The following C12orf42 variants were observed in gnomAD, a reference collection of about 807,000 sequenced individuals.
C12orf42 encodes the protein uncharacterized protein C12orf42.
In C12orf42, 25 loss-of-function variants were observed where a neutral mutation model predicts 21.6. That is an observed-to-expected ratio of 1.16 (90% CI 0.84 to 1.62). The LOEUF is 1.62. C12orf42 is among the 40% of genes most tolerant of loss of function. C12orf42 has a pLI of 0.00. For missense variants in C12orf42, 483 were observed against 459.3 expected, an observed-to-expected ratio of 1.05 and a Z score of -0.47; for synonymous variants, 174 against 175.0, an observed-to-expected ratio of 0.99 and a Z score of 0.05.
At chr12:103,375,192 T>A (rs547005733) in intron 3 of C12orf42, among the ~76,000 whole-genome samples, 1 of 152,162 alleles carries the variant, frequency 6.6e-6, no homozygotes, top group Non-Finnish European at 1.5e-5. Context: ...TTATAGGAAA[T>A]GTCAGGAGAA....
chr12:103,384,426 T>C (rs2046439768), intron 3 of C12orf42, among the ~76,000 whole-genome samples: 1 of 152,228 alleles, frequency 6.6e-6, no homozygotes, highest in Non-Finnish European at 1.5e-5. Context: ...TGAACTAATC[T>C]ACCATACTGT....
chr12:103,423,411 C>A (rs2050094393), intron 2 of C12orf42, among the ~76,000 whole-genome samples: 2 of 152,190 alleles, frequency 1.3e-5, no homozygotes, highest in Non-Finnish European at 2.9e-5. Flanking sequence ...AAAGGGAAAT[C>A]TAGGGCCCAG....
At chr12:103,294,583 G>GGAAAAAAGAAA (rs1555246032) in intron 4 of C12orf42, among the ~76,000 whole-genome samples, 1 of 80,280 alleles carries the variant, frequency 1.2e-5, no homozygotes, top group Admixed American at 1.4e-4. Flanking sequence ...AAGGAAGGAA[G>GGAAAAAAGAAA]GAAAGAAAGA....
chr12:103,129,950 T>G, the C12orf42 span, among the ~76,000 whole-genome samples: 1 of 151,650 alleles, frequency 6.6e-6, no homozygotes, highest in African/African-American at 2.4e-5. Flanking sequence ...CTAGAACCCA[T>G]GCAAATTTCC....
chr12:103,443,600 C>T (rs556713443), intron 2 of C12orf42, among the ~76,000 whole-genome samples: 1 of 152,128 alleles, frequency 6.6e-6, no homozygotes, highest in East Asian at 1.9e-4. Flanking sequence ...TTCATTTTTT[C>T]AATTAGCAAT....
At chr12:103,272,413 C>T (rs982830823) in intron 5 of C12orf42, among the ~76,000 whole-genome samples, 2 of 152,090 alleles carry the variant, frequency 1.3e-5, no homozygotes. Flanking sequence ...CAAACTGAGG[C>T]CCACAAAACA....
chr12:103,367,797 T>A (rs1801253698), intron 4 of C12orf42, among the ~76,000 whole-genome samples: 1 of 152,038 alleles, frequency 6.6e-6, no homozygotes, highest in Non-Finnish European at 1.5e-5. Context: ...CAGTTCTTTT[T>A]AAGTAGAATT....
At chr12:103,241,032 G>T (rs944850434) in intron 10 of C12orf42, among the ~76,000 whole-genome samples, 10 of 152,086 alleles carry the variant, frequency 6.6e-5, no homozygotes, top group African/African-American at 2.4e-4. Flanking sequence ...TATTGTAAGA[G>T]AATTGCAAAT....
the C12orf42 span, among the ~76,000 whole-genome samples, chr12:103,068,797 T>C: frequency 6.6e-6 from 1 of 150,634 alleles, no homozygotes; most frequent in African/African-American, 2.4e-5. Flanking sequence ...GCTGGCTTCC[T>C]TGCTCCTCAG....
intron 2 of C12orf42, among the ~76,000 whole-genome samples, chr12:103,445,802 T>C (rs1273598259): frequency 1.3e-5 from 2 of 152,052 alleles, no homozygotes; most frequent in African/African-American, 2.4e-5. Context: ...CTTTGGGTCT[T>C]GTTTTTGAAA....
intron 2 of C12orf42, among the ~76,000 whole-genome samples, chr12:103,453,158 C>A (rs1952061452): frequency 6.6e-6 from 1 of 151,536 alleles, no homozygotes; most frequent in East Asian, 1.9e-4. Flanking sequence ...GAAGTGTTAA[C>A]TCCCTGTTAA....
chr12:103,148,915 T>G, the C12orf42 span, among the ~76,000 whole-genome samples: 1 of 152,204 alleles, frequency 6.6e-6, no homozygotes, highest in Non-Finnish European at 1.5e-5. Flanking sequence ...TTATAACTCA[T>G]GAAGGAATTT....
At chr12:103,256,109 TATACACACACACACAC>T (rs1373788025) in intron 10 of C12orf42, among the ~76,000 whole-genome samples, 8,485 of 43,542 alleles carry the variant, frequency 0.19, 414 homozygotes, top group Middle Eastern at 0.3. Flanking sequence ...TATATATATA[TATACACACACACACAC>T]ACACACACAC....
the C12orf42 span, among the ~76,000 whole-genome samples, chr12:103,117,075 T>C: frequency 0.025 from 3,836 of 152,302 alleles, 182 homozygotes; most frequent in African/African-American, 0.088. Context: ...TATTTGAAAC[T>C]ACAAAATATA....
chr12:103,434,406 G>A (rs1447856306), intron 2 of C12orf42, among the ~76,000 whole-genome samples: 1 of 150,976 alleles, frequency 6.6e-6, no homozygotes, highest in Non-Finnish European at 1.5e-5. Flanking sequence ...AGCCAAGATG[G>A]CCGAATAGGA....
chr12:103,236,063 T>G (rs2033457342), downstream of C12orf42, among the ~76,000 whole-genome samples: 1 of 152,090 alleles, frequency 6.6e-6, no homozygotes, highest in Non-Finnish European at 1.5e-5. Context: ...CTTCAGGAAC[T>G]TCCATATTTT....
chr12:103,347,784 A>G (rs1330076342), intron 4 of C12orf42, among the ~76,000 whole-genome samples: 1 of 152,196 alleles, frequency 6.6e-6, no homozygotes, highest in Non-Finnish European at 1.5e-5. Context: ...CCAACTGACT[A>G]AAAAACAGGA....
the C12orf42 span, among the ~76,000 whole-genome samples, chr12:103,201,454 G>A: frequency 6.6e-6 from 1 of 151,952 alleles, no homozygotes; most frequent in South Asian, 2.1e-4. Flanking sequence ...TCAAGAAATG[G>A]TTCATTGTTG....
chr12:103,551,213 T>A, the C12orf42 span, among the ~76,000 whole-genome samples: 59 of 143,958 alleles, frequency 4.1e-4, no homozygotes, highest in African/African-American at 1.4e-3. Flanking sequence ...TCAGGAATTG[T>A]TGATTCTGAT....
Sources: gnomAD v4.1 joint callset for allele counts (sites outside exome capture counted in the v4.1 genomes callset) on GRCh38, gnomAD v4.1.1 for gene constraint, MANE v1.5 for transcripts, NCBI Gene and HGNC (gene_info 2026-07-23, HGNC 2026-07-21) for gene names.